The following SOS2 variants were observed in gnomAD, a reference collection of about 807,000 sequenced individuals.
SOS2 encodes the protein son of sevenless homolog 2.
Under a neutral mutation model 148.2 loss-of-function variants are expected in SOS2, and 65 were observed. That is an observed-to-expected ratio of 0.44 (90% CI 0.36 to 0.54). The LOEUF (loss-of-function observed/expected upper bound fraction) is 0.54. SOS2 is among the 20% of genes least tolerant of loss of function. The pLI is 0.00. For synonymous variants in SOS2, 539 were observed against 537.1 expected (o/e 1.00, Z -0.05); for missense variants, 1,341 against 1,590.2 (o/e 0.84, Z 2.67).
rs764356503 is a variant in SOS2 at position 50,136,441 on chromosome 14, C to T, written c.2958+2171G>A. Reference sequence around the variant, plus strand: ...ACTAAAAGTACTATTTCAAGCATACCGAATTAAAGTGTAACATTATTCCTG... The same window carrying T: ...ACTAAAAGTACTATTTCAAGCATACTGAATTAAAGTGTAACATTATTCCTG... On this transcript the variant is annotated intron_variant, in intron 18 of 22. Transcript: ENST00000216373. Among the ~76,000 whole-genome samples the T allele has an allele frequency of 5.3e-5, 8 of 151,996 alleles. No homozygotes were observed. In the South Asian group the frequency reaches 1.0e-3, roughly 20 times the overall value.
At chr14:50,155,560 A>G (rs1315946584) in intron 12 of SOS2, among the ~76,000 whole-genome samples, 1 of 152,108 alleles carries the variant, frequency 6.6e-6, no homozygotes, top group East Asian at 1.9e-4. Flanking sequence ...AATCTTTGCT[A>G]TTCCTGAAAT....
chr14:50,195,135 AC>A (rs1305857546), intron 4 of SOS2, among the ~76,000 whole-genome samples: 1 of 152,188 alleles, frequency 6.6e-6, no homozygotes, highest in African/African-American at 2.4e-5. Flanking sequence ...GAAATCAAAG[AC>A]CTAACATAAT....
chr14:50,229,358 A>T (rs944971386), intron 1 of SOS2, among the ~76,000 whole-genome samples: 61 of 152,236 alleles, frequency 4.0e-4, no homozygotes, highest in Non-Finnish European at 1.0e-4. Context: ...TATTTCATAA[A>T]GAACATACTA....
rs1019575846 is a variant in SOS2 at position 50,200,968 on chromosome 14, G to T, written c.330C>A (p.Ile110=). ...CTTTTGTTACCTTCAACGAAGGATG[G>T]ATTTTGTCCACAGGCAGTAAAAGAG... ...RNPLLLPVDK[I]HPSLKEVLGY... Residue 110 remains isoleucine (I), a synonymous_variant, in exon 3 of 23, where the codon ATC becomes ATA. Coordinates refer to ENST00000216373, the MANE Select transcript of SOS2 (RefSeq NM_006939.4). 5 of 1,613,876 alleles carry T rather than the reference G, an allele frequency of 3.1e-6. No homozygotes were observed. The highest frequency in any genetic ancestry group is 4.2e-6 in the Non-Finnish European group (5 of 1,179,874).
intron 9 of SOS2, 53 bp from the exon 10 acceptor site, chr14:50,160,139 T>C (rs1438779374): frequency 5.7e-6 from 8 of 1,396,598 alleles, no homozygotes; most frequent in Non-Finnish European, 7.9e-6. Flanking sequence ...CCAAATGGTT[T>C]CAAGCATAAA....
At chr14:50,203,096 C>T (rs940872168) in intron 2 of SOS2, among the ~76,000 whole-genome samples, 2 of 151,934 alleles carry the variant, frequency 1.3e-5, no homozygotes, top group Non-Finnish European at 2.9e-5. Context: ...GAGTTCAAGG[C>T]TACAGTGAGC....
chr14:50,196,021 C>T (rs1366807426), intron 4 of SOS2, among the ~76,000 whole-genome samples: 1 of 151,810 alleles, frequency 6.6e-6, no homozygotes, highest in Non-Finnish European at 1.5e-5. Flanking sequence ...AGTGAGACTC[C>T]GTCTCAAAAA....
intron 4 of SOS2, among the ~76,000 whole-genome samples, chr14:50,192,997 CT>C (rs1277210136): frequency 2.0e-5 from 3 of 151,768 alleles, no homozygotes; most frequent in Admixed American, 1.3e-4. Flanking sequence ...ATTCTCTCAC[CT>C]TTTTTTTGGT....
At chr14:50,210,314 G>C (rs1886826760) in intron 1 of SOS2, among the ~76,000 whole-genome samples, 1 of 152,160 alleles carries the variant, frequency 6.6e-6, no homozygotes. Context: ...GGGAGGCAGG[G>C]AAGTGTATGA....
intron 4 of SOS2, among the ~76,000 whole-genome samples, chr14:50,192,358 C>T (rs1886169145): frequency 6.6e-6 from 1 of 152,076 alleles, no homozygotes; most frequent in South Asian, 2.1e-4. Flanking sequence ...AGTTCAAGAC[C>T]AGCCTGCCCA....
chr14:50,178,733 T>TATAC (rs1885625004), intron 7 of SOS2, among the ~76,000 whole-genome samples: 2 of 139,116 alleles, frequency 1.4e-5, no homozygotes, highest in Non-Finnish European at 3.1e-5. Context: ...CACACACATA[T>TATAC]ATATATATAT....
At chr14:50,198,891 G>T (rs1566476532) in intron 4 of SOS2, among the ~76,000 whole-genome samples, 1 of 152,196 alleles carries the variant, frequency 6.6e-6, no homozygotes. Flanking sequence ...GGGTGCAGTG[G>T]CTCATGCCTA....
rs748956316 is a variant in SOS2, at chr14:50,180,532, T to TA, written c.969+39_969+40insT. ...AATAGTGAGATATTTATTTGCTTTA[T>TA]TAAAAAAAAAAAAAAAAAAAACCTT... On this transcript the variant is annotated intron_variant, in intron 7 of 22. Coordinates refer to ENST00000216373, the MANE Select transcript of SOS2 (RefSeq NM_006939.4). 34,667 of 460,490 alleles carry TA rather than the reference T, an allele frequency of 0.075. 1,432 individuals carry two copies. The highest frequency in any genetic ancestry group is 0.093 in the East Asian group (1,474 of 15,822). The allele number at this position is 460,490 out of a possible 1,614,324, so 28.5% of individuals were successfully genotyped here.
In SOS2 at chr14:50,204,415, A is replaced by G. The variant is rs12888783; in HGVS notation, c.88-6T>C. 0.38 allele frequency: 583,623 copies of G among 1,527,146 alleles called. 117,399 individuals are homozygous for G. Among genetic ancestry groups the G allele is most frequent in the Non-Finnish European group, 0.42 (469,771 of 1,121,912 alleles). 94.6% of individuals were successfully genotyped at this position (1,527,146 alleles called of 1,614,324 possible). On this transcript the variant is annotated splice_polypyrimidine_tract_variant and splice_region_variant and intron_variant, in intron 1 of 22. Transcript: ENST00000216373. ...GGATGCACTTGTTCCTGAACCTTTA[A>G]AAAAAAGTTATCAGTTAAAGTAATG... is the stretch of plus-strand genomic sequence containing the variant.
intron 1 of SOS2, among the ~76,000 whole-genome samples, chr14:50,208,151 G>C (rs1173858245): frequency 3.3e-5 from 5 of 151,878 alleles, no homozygotes; most frequent in African/African-American, 1.2e-4. Flanking sequence ...CAAAAAATTA[G>C]CCACGCATGG....
intron 14 of SOS2, among the ~76,000 whole-genome samples, chr14:50,149,746 G>A (rs1884603100): frequency 6.6e-6 from 1 of 152,156 alleles, no homozygotes; most frequent in Non-Finnish European, 1.5e-5. Flanking sequence ...AGGTGAGAAG[G>A]TATTAGGAGT....
chr14:50,169,544 G>C (rs2139662037), intron 8 of SOS2, among the ~76,000 whole-genome samples: 1 of 151,910 alleles, frequency 6.6e-6, no homozygotes, highest in African/African-American at 2.4e-5. Context: ...GGAGGCTGAG[G>C]CAGGAGAATC....
At chr14:50,181,694 T>C (rs1249289190) in intron 6 of SOS2, among the ~76,000 whole-genome samples, 1 of 152,078 alleles carries the variant, frequency 6.6e-6, no homozygotes, top group Non-Finnish European at 1.5e-5. Flanking sequence ...AATAGTGGGA[T>C]CCTATTTTTG....
At chr14:50,169,277 T>C (rs534754257) in intron 8 of SOS2, among the ~76,000 whole-genome samples, 103 of 150,160 alleles carry the variant, frequency 6.9e-4, no homozygotes, top group Middle Eastern at 7.1e-3. Context: ...GCCTGCACCA[T>C]TGCACTCCAG....
Sources: allele counts gnomAD v4.1 joint callset (sites outside exome capture counted in the v4.1 genomes callset), GRCh38; gene constraint gnomAD v4.1.1; transcripts MANE v1.5; gene names NCBI Gene and HGNC (gene_info 2026-07-23, HGNC 2026-07-21).